The following TULP4 variants were observed in gnomAD, a reference collection of about 807,000 sequenced individuals.
The protein encoded by TULP4 is TUB like protein 4.
TULP4 carries 16 observed loss-of-function variants against 129.0 expected under a neutral mutation model. The ratio of observed to expected loss-of-function variants is 0.12; its 90% CI spans 0.08 to 0.19. TULP4 has a LOEUF of 0.19. TULP4 is among the 10% of genes least tolerant of loss of function. TULP4 has a pLI of 1.00. For synonymous variants in TULP4, 998 were observed against 854.0 expected, an observed-to-expected ratio of 1.17 and a Z score of -2.94; for missense variants, 1,842 against 2,059.1, an observed-to-expected ratio of 0.89 and a Z score of 2.04.
At chr6:158,448,349 A>G (rs775223176) in intron 3 of TULP4, among the ~76,000 whole-genome samples, 3 of 152,262 alleles carry the variant, frequency 2.0e-5, no homozygotes, top group Non-Finnish European at 2.9e-5. Context: ...TTAATGAGGT[A>G]GAGCTTTCAG....
chr6:158,409,491 A>G (rs539966882), intron 1 of TULP4, among the ~76,000 whole-genome samples: 1 of 152,292 alleles, frequency 6.6e-6, no homozygotes, highest in South Asian at 2.1e-4. Context: ...CTATACCTGG[A>G]TAACTGCGCA....
At chr6:158,237,433 T>A (rs532583431) in intron 1 of TULP4, 62 of 1,585,022 alleles carry the variant, frequency 3.9e-5, no homozygotes, top group Admixed American at 1.3e-4. Flanking sequence ...GGGTATGATG[T>A]TACTTGTAGA....
intron 1 of TULP4, among the ~76,000 whole-genome samples, chr6:158,367,923 C>CAA (rs11351338): frequency 0.034 from 4,703 of 139,564 alleles, 79 homozygotes; most frequent in Non-Finnish European, 0.04. Context: ...ACAAATAATA[C>CAA]AAAAAAAAAA....
At chr6:158,268,857 G>C (rs1269226676) in intron 1 of TULP4, among the ~76,000 whole-genome samples, 1 of 152,004 alleles carries the variant, frequency 6.6e-6, no homozygotes, top group Non-Finnish European at 1.5e-5. Context: ...GTAATTTCTA[G>C]AATGATACTG....
chr6:158,461,426 AG>A (rs1554293670), intron 5 of TULP4, 136 bp from the exon 6 acceptor site: 13,996 of 728,656 alleles, frequency 0.019, 55 homozygotes, highest in Middle Eastern at 0.021. Context: ...AAAAAAAAAA[AG>A]GAAAAAACCA....
chr6:158,454,034 T>C (rs536110672), intron 5 of TULP4, among the ~76,000 whole-genome samples: 8 of 108,118 alleles, frequency 7.4e-5, no homozygotes, highest in African/African-American at 3.3e-4. Flanking sequence ...CCCCCCCAAG[T>C]AATTACTCTA....
At chr6:158,494,446 T>G (rs1194326534) in intron 10 of TULP4, among the ~76,000 whole-genome samples, 1 of 152,192 alleles carries the variant, frequency 6.6e-6, no homozygotes, top group African/African-American at 2.4e-5. Context: ...AGGCGAAATA[T>G]CAAAGATAAA....
chr6:158,290,823 T>C (rs705930), intron 1 of TULP4, among the ~76,000 whole-genome samples: 47,054 of 152,068 alleles, frequency 0.31, 7,563 homozygotes, highest in Middle Eastern at 0.38. Flanking sequence ...CCCCCCCACA[T>C]TTGTCATAGA....
At chr6:158,478,623 G>A (rs933193369) in intron 6 of TULP4, among the ~76,000 whole-genome samples, 4 of 152,124 alleles carry the variant, frequency 2.6e-5, no homozygotes, top group Non-Finnish European at 5.9e-5. Context: ...GCCCTCCCCT[G>A]GGGACTGTGG....
intron 1 of TULP4, among the ~76,000 whole-genome samples, chr6:158,339,709 A>C (rs763585824): frequency 1.3e-5 from 2 of 152,170 alleles, no homozygotes; most frequent in Admixed American, 6.5e-5. Context: ...CAGGCAGCCA[A>C]ACTTTAAGGT....
chr6:158,454,021 G>C (rs571390699), intron 5 of TULP4, among the ~76,000 whole-genome samples: 59,830 of 102,172 alleles, frequency 0.59, 16,788 homozygotes, highest in African/African-American at 0.79. Flanking sequence ...CCTCTGCACC[G>C]CCCCCCCCCA....
chr6:158,482,443 C>T (rs1011235166), intron 8 of TULP4, among the ~76,000 whole-genome samples: 6 of 152,128 alleles, frequency 3.9e-5, no homozygotes, highest in South Asian at 2.1e-4. Flanking sequence ...TCTTTTGACT[C>T]GTGACAAGCT....
chr6:158,413,337 A>G lies in TULP4; in HGVS notation c.381+144A>G, dbSNP rs551354906. ...GAGAAATCAATCAAATTAGAATCCT[A>G]CTTTTCATTTCTCTCACATATGTCA... On this transcript the variant is annotated intron_variant, in intron 2 of 13. Transcript: ENST00000367097. This position sits in a 1 kb window ranked among gnomAD's most constrained non-coding sequence, Gnocchi z 4.9. The G allele has an allele frequency of 3.2e-4, 323 of 1,011,610 alleles. No individual in the cohort carries two copies. Among genetic ancestry groups the G allele is most frequent in the African/African-American group, 4.2e-4 (26 of 62,188 alleles). The allele number at this position is 1,011,610 out of a possible 1,614,324, so 62.7% of individuals were successfully genotyped here.
At chr6:158,498,208 A>C (rs1447425990) in intron 11 of TULP4, among the ~76,000 whole-genome samples, 1 of 152,140 alleles carries the variant, frequency 6.6e-6, no homozygotes, top group African/African-American at 2.4e-5. Flanking sequence ...AAACCATGCC[A>C]CCCCCATCTC....
At position 158,493,534 on chromosome 6, in the gene TULP4, G is replaced by T; in HGVS notation, c.1632-39G>T. On this transcript the variant is annotated intron_variant, in intron 9 of 13. Transcript: ENST00000367097. This position sits in a 1 kb window ranked among gnomAD's most constrained non-coding sequence, Gnocchi z 4.4. ...AGTCAGGGCCATGCTCACCATTCCC[G>T]CCACGGATGCCTGACCCCTCCTGGC... The T allele has an allele frequency of 1.4e-6, 2 of 1,432,732 alleles. No homozygotes were observed. The highest frequency in any genetic ancestry group is 2.7e-5 in the East Asian group (1 of 36,386). The allele number at this position is 1,432,732 out of a possible 1,614,324, so 88.8% of individuals were successfully genotyped here. A position where few individuals can be genotyped will look rare whatever the true frequency, so the allele number is the denominator to read the frequency against.
chr6:158,255,610 T>C (rs1298709889), intron 1 of TULP4, among the ~76,000 whole-genome samples: 1 of 152,178 alleles, frequency 6.6e-6, no homozygotes, highest in Non-Finnish European at 1.5e-5. Flanking sequence ...CCTGGAACTG[T>C]TACAATTGTT....
At chr6:158,278,924 AGTT>A (rs1778692288), upstream of TULP4, among the ~76,000 whole-genome samples, 1 of 140,070 alleles carries the variant, frequency 7.1e-6, no homozygotes, top group Non-Finnish European at 1.5e-5. Flanking sequence ...TACTGGCCAT[AGTT>A]GTTGTTTTTT....
At chr6:158,422,835 C>T (rs528503711) in intron 2 of TULP4, among the ~76,000 whole-genome samples, 2 of 152,230 alleles carry the variant, frequency 1.3e-5, no homozygotes, top group African/African-American at 4.8e-5. Flanking sequence ...TATGCAAATG[C>T]AGGACGCCAA....
chr6:158,419,326 T>C (rs1037303792), intron 2 of TULP4, among the ~76,000 whole-genome samples: 5 of 152,222 alleles, frequency 3.3e-5, no homozygotes, highest in African/African-American at 4.8e-5. Flanking sequence ...ATATATCCAT[T>C]AATACCATAG....
Sources: gnomAD v4.1 joint callset for allele counts (sites outside exome capture counted in the v4.1 genomes callset) on GRCh38, gnomAD v4.1.1 for gene constraint, Gnocchi (gnomAD v3.1) non-coding constraint, MANE v1.5 for transcripts, NCBI Gene and HGNC (gene_info 2026-07-23, HGNC 2026-07-21) for gene names.